The following ZC3H7B variants were observed in gnomAD, a reference collection of about 807,000 sequenced individuals.
ZC3H7B encodes the protein zinc finger CCCH domain-containing protein 7B.
A neutral mutation model predicts 116.0 loss-of-function variants in ZC3H7B; 35 were observed. That is an observed-to-expected ratio of 0.30 (90% confidence interval 0.23 to 0.40). The LOEUF is 0.40. ZC3H7B is among the 10% of genes least tolerant of loss of function. The pLI is 1.00. For missense variants in ZC3H7B, 1,011 were observed against 1,321.5 expected, an observed-to-expected ratio of 0.77 and a Z score of 3.64; for synonymous variants, 502 against 545.6, an observed-to-expected ratio of 0.92 and a Z score of 1.11.
rs2036591544 is a variant in ZC3H7B at position 41,346,821 on chromosome 22, G to T, written c.1665+613G>T. On this transcript the variant is annotated intron_variant, in intron 14 of 22. Coordinates refer to ENST00000352645, the MANE Select transcript of ZC3H7B (RefSeq NM_017590.6). The surrounding 1 kb of genome is among the most constrained non-coding windows in gnomAD (Gnocchi z 5.3). ...TCAAAAAAAAATTAAAAATTAGCTG[G>T]GCTTGGTGGCATGCGCCTCCCGTCC... 6.6e-6 allele frequency among the ~76,000 whole-genome samples: 1 copy of T among 151,954 alleles called. No individual in the cohort carries two copies. The highest frequency in any genetic ancestry group is 2.4e-5 in the African/African-American group (1 of 41,324).
Position 41,336,927 on chromosome 22 carries a change from G to C in ZC3H7B, c.583-1386G>C, listed in dbSNP as rs1266157627. On this transcript the variant is annotated intron_variant, in intron 7 of 22. Transcript: ENST00000352645. The stretch of plus-strand genomic sequence containing the variant: ...GAGGGAGGTGGATCACCTAAGGTCC[G>C]GAATTCAAGACCAGCCTGACCAACA... The C allele has an allele frequency of 2.6e-5, 4 of 151,460 alleles. No homozygotes were observed. The South Asian group carries it at 8.3e-4, about 32-fold the overall frequency. The allele number at this position is 151,460 out of a possible 1,614,324, so 9.4% of individuals were successfully genotyped here. A position where few individuals can be genotyped will look rare whatever the true frequency, so the allele number is the denominator to read the frequency against.
At position 41,325,801 on chromosome 22, in the gene ZC3H7B, G is replaced by C. The variant is rs762077223; in HGVS notation, c.168G>C (p.Leu56=). Residue 56 remains leucine (L), a synonymous_variant, in exon 4 of 23, where the codon CTG becomes CTC. Transcript: ENST00000352645. Reference sequence around the variant, plus strand: ...GGGAGAAGGACTATAAGCAGGCTCTGGTGCAGTACATGGAAGGGCTGAACG... The same window carrying C: ...GGGAGAAGGACTATAAGCAGGCTCTCGTGCAGTACATGGAAGGGCTGAACG... The part of the protein sequence containing the change: ...LFREKDYKQA[L]VQYMEGLNVA... 1 of 1,613,718 alleles carries C rather than the reference G, an allele frequency of 6.2e-7. No homozygotes were observed.
chr22:41,317,515 C>T (rs780404989), intron 1 of ZC3H7B, among the ~76,000 whole-genome samples: 12 of 152,112 alleles, frequency 7.9e-5, no homozygotes, highest in Admixed American at 6.6e-4. Flanking sequence ...TCTGGCTGGG[C>T]GCAGTGGCTC....
Position 41,339,817 on chromosome 22 carries a change from C to A in ZC3H7B, c.818C>A (p.Ser273Tyr). Reference protein sequence around the residue: ...PELDTLLDSLSLVQGGLSGSG... With the variant: ...PELDTLLDSLYLVQGGLSGSG... ...CCTCCCTCTGTCCCTGCCTCATAGTCTCTGGTCCAGGGTGGCCTGTCTGGC... is the reference window on the plus strand; with the variant it reads ...CCTCCCTCTGTCCCTGCCTCATAGTATCTGGTCCAGGGTGGCCTGTCTGGC... Residue 273 changes from serine (S) to tyrosine (Y), a missense_variant and splice_region_variant, in exon 10 of 23, where the codon TCT becomes TAT. Physicochemically the swap from Ser to Tyr is moderately radical, Grantham distance 144 (BLOSUM62 -2). Coordinates refer to ENST00000352645, the MANE Select transcript of ZC3H7B (RefSeq NM_017590.6). 1 of 1,592,030 alleles carries A rather than the reference C, an allele frequency of 6.3e-7. No homozygotes were observed. The highest frequency in any genetic ancestry group is 8.6e-7 in the Non-Finnish European group (1 of 1,166,254).
chr22:41,331,537 AGAGC>A (rs2036384439), intron 6 of ZC3H7B, among the ~76,000 whole-genome samples: 1 of 146,362 alleles, frequency 6.8e-6, no homozygotes, highest in Non-Finnish European at 1.5e-5. Flanking sequence ...CCTGGGCAAC[AGAGC>A]GAGACTCTGC....
intron 7 of ZC3H7B, chr22:41,333,742 G>T (rs2036410589): frequency 6.6e-6 from 1 of 152,136 alleles, no homozygotes; most frequent in Non-Finnish European, 1.5e-5. Context: ...ACTGAGCTTG[G>T]GGTTGGGTAT....
Position 41,339,933 on chromosome 22 carries a change from G to A in ZC3H7B, c.934G>A (p.Val312Ile), listed in dbSNP as rs2036497523. Reference sequence around the variant, plus strand: ...ACCTGTGGTGGGTGGCTCCATCCCTGTCTCCAGCCCACTGCCCCCCGCCTC... The same window carrying A: ...ACCTGTGGTGGGTGGCTCCATCCCTATCTCCAGCCCACTGCCCCCCGCCTC... ...LPPVVGGSIPVSSPLPPASFG... is the reference protein window; with the variant it reads ...LPPVVGGSIPISSPLPPASFG... Residue 312 changes from valine (V) to isoleucine (I), a missense_variant, in exon 10 of 23, where the codon GTC becomes ATC. Val to Ile is a conservative substitution (Grantham distance 29). Around this residue, in one of 5 missense-constraint regions of ZC3H7B, gnomAD observed 322 missense variants for 443.9 expected, o/e 0.73. Coordinates refer to ENST00000352645, the MANE Select transcript of ZC3H7B (RefSeq NM_017590.6). The A allele has an allele frequency of 6.2e-7, 1 of 1,613,228 alleles. No individual in the cohort carries two copies. Among genetic ancestry groups the A allele is most frequent in the African/African-American group, 1.3e-5 (1 of 74,868 alleles).
At chr22:41,343,226 C>T (rs904463458) in intron 12 of ZC3H7B, among the ~76,000 whole-genome samples, 189 bp from the exon 13 acceptor site, 2 of 152,144 alleles carry the variant, frequency 1.3e-5, no homozygotes, top group Admixed American at 1.3e-4. Context: ...AGGGGCTTCC[C>T]CCAGCACAGT....
At chr22:41,355,902 C>G in intron 19 of ZC3H7B, 40 bp downstream of exon 19, 2 of 1,610,398 alleles carry the variant, frequency 1.2e-6, no homozygotes, top group Non-Finnish European at 1.7e-6. Flanking sequence ...CCCCAGGAGG[C>G]AGCGATGCTT....
At chr22:41,356,188 C>A in intron 20 of ZC3H7B, 126 bp downstream of exon 20, 1 of 1,462,030 alleles carries the variant, frequency 6.8e-7, no homozygotes, top group Non-Finnish European at 9.2e-7. Flanking sequence ...TCTCCACCTG[C>A]CCCATGCCGG....
At chr22:41,356,512 C>G (rs765216266) in intron 21 of ZC3H7B, 36 bp downstream of exon 21, 5 of 1,612,780 alleles carry the variant, frequency 3.1e-6, no homozygotes, top group Non-Finnish European at 4.2e-6. Context: ...GGGCTGCGGT[C>G]GGGGCTGTGG....
At chr22:41,341,472 G>A (rs780178581) in intron 11 of ZC3H7B, among the ~76,000 whole-genome samples, 11 of 152,206 alleles carry the variant, frequency 7.2e-5, no homozygotes, top group African/African-American at 1.4e-4. Flanking sequence ...GGCCGGGCGC[G>A]GTGGCTCATG....
chr22:41,339,292 GTC>G, intron 9 of ZC3H7B, 101 bp downstream of exon 9: 1 of 1,403,202 alleles, frequency 7.1e-7, no homozygotes, highest in Non-Finnish European at 9.5e-7. Context: ...CATGTCATGT[GTC>G]TCAGGAGGAG....
chr22:41,325,441 G>T lies in ZC3H7B; in HGVS notation c.54-123G>T, dbSNP rs146459629. The T allele has an allele frequency of 1.5e-5, 20 of 1,306,966 alleles. No homozygotes were observed. In the African/African-American group the frequency reaches 2.5e-4, roughly 16 times the overall value. 81.0% of individuals were successfully genotyped at this position (1,306,966 alleles called of 1,614,324 possible). A position where few individuals can be genotyped will look rare whatever the true frequency, so the allele number is the denominator to read the frequency against. On this transcript the variant is annotated intron_variant, in intron 2 of 22. Coordinates refer to ENST00000352645, the MANE Select transcript of ZC3H7B (RefSeq NM_017590.6). The stretch of plus-strand genomic sequence containing the variant: ...GGCAATGATTTAGGAGAAGAAAACC[G>T]CAGTCTGTTCACCCTAGTCCACAAG...
chr22:41,307,117 G>T (rs1386525985), intron 1 of ZC3H7B, among the ~76,000 whole-genome samples: 1 of 151,952 alleles, frequency 6.6e-6, no homozygotes, highest in Non-Finnish European at 1.5e-5. Context: ...GGGATTACAG[G>T]CACGCACCAC....
chr22:41,337,177 A>G (rs771066843), intron 7 of ZC3H7B, among the ~76,000 whole-genome samples: 7 of 151,672 alleles, frequency 4.6e-5, no homozygotes, highest in Non-Finnish European at 1.0e-4. Context: ...AATACAAAAA[A>G]GTTAGTCAGG....
intron 17 of ZC3H7B, among the ~76,000 whole-genome samples, chr22:41,352,899 G>A (rs140435195): frequency 0.021 from 3,205 of 151,176 alleles, 60 homozygotes; most frequent in Middle Eastern, 0.034. Context: ...CAAACATGAC[G>A]AAACCCCGTC....
At position 41,330,116 on chromosome 22, in the gene ZC3H7B, G is replaced by A. The variant is rs767274986; in HGVS notation, c.525+13G>A. On this transcript the variant is annotated intron_variant, in intron 6 of 22. Transcript: ENST00000352645. Reference sequence around the variant, plus strand: ...TAAGAGGCCCCAGGTAGGTGGGTTCGGGACCCTGGGAGGGTCGGTGTGGAC... The same window carrying A: ...TAAGAGGCCCCAGGTAGGTGGGTTCAGGACCCTGGGAGGGTCGGTGTGGAC... 7 of 1,613,538 alleles carry A rather than the reference G, an allele frequency of 4.3e-6. No individual in the cohort carries two copies. The highest frequency in any genetic ancestry group is 5.9e-6 in the Non-Finnish European group (7 of 1,179,846).
chr22:41,337,859 G>A (rs958619741), intron 7 of ZC3H7B, among the ~76,000 whole-genome samples: 5 of 150,638 alleles, frequency 3.3e-5, no homozygotes, highest in African/African-American at 4.9e-5. Flanking sequence ...GACCCAGCAC[G>A]TGTGAGGGCT....
Sources: allele counts gnomAD v4.1 joint callset (sites outside exome capture counted in the v4.1 genomes callset), GRCh38; gene constraint gnomAD v4.1.1; regional missense constraint gnomAD v4.1.1; non-coding constraint Gnocchi (gnomAD v3.1); transcripts MANE v1.5; gene names NCBI Gene and HGNC (gene_info 2026-07-23, HGNC 2026-07-21).